The following B3GALT1 variants were observed in gnomAD, a reference collection of about 807,000 sequenced individuals.
The protein encoded by B3GALT1 is UDP-Gal:betaGlcNAc beta 1,3-galactosyltransferase, polypeptide 1.
B3GALT1 carries 10 observed loss-of-function variants against 23.2 expected under a neutral mutation model. That is an observed-to-expected ratio of 0.43 (90% CI 0.27 to 0.73). B3GALT1 has a LOEUF of 0.73. Ranked by LOEUF, B3GALT1 falls within the 30% of genes least tolerant of loss-of-function variation. B3GALT1 has a pLI of 0.21. For synonymous variants in B3GALT1, 156 were observed against 141.5 expected, an observed-to-expected ratio of 1.10 and a Z score of -0.73; for missense variants, 299 against 405.4, an observed-to-expected ratio of 0.74 and a Z score of 2.25.
chr2:167,358,405 C>T (rs1256740866), intron 1 of B3GALT1, among the ~76,000 whole-genome samples: 2 of 152,178 alleles, frequency 1.3e-5, no homozygotes, highest in African/African-American at 2.4e-5. Flanking sequence ...AAGCATCAGG[C>T]ACATTCTACT....
chr2:167,842,521 A>G (rs1311469801), intron 4 of B3GALT1, among the ~76,000 whole-genome samples: 2 of 152,226 alleles, frequency 1.3e-5, no homozygotes, highest in African/African-American at 4.8e-5. Context: ...TAGATTGCTA[A>G]TAAGTTGTAT....
At chr2:167,802,973 A>T (rs1212472282) in intron 3 of B3GALT1, among the ~76,000 whole-genome samples, 1 of 152,132 alleles carries the variant, frequency 6.6e-6, no homozygotes. Flanking sequence ...GTACCTACAC[A>T]TGTGTTATTT....
At chr2:167,754,811 T>C (rs1574246145) in intron 3 of B3GALT1, among the ~76,000 whole-genome samples, 4 of 152,280 alleles carry the variant, frequency 2.6e-5, no homozygotes, top group Admixed American at 2.6e-4. Context: ...AGACCAAGGC[T>C]ACTCAACACC....
intron 3 of B3GALT1, among the ~76,000 whole-genome samples, chr2:167,758,923 A>T (rs1243081213): frequency 6.6e-6 from 1 of 152,078 alleles, no homozygotes; most frequent in Non-Finnish European, 1.5e-5. Context: ...GTATGGAAAG[A>T]AGCTTTCGTG....
At chr2:167,360,985 C>T (rs1697490957) in intron 1 of B3GALT1, among the ~76,000 whole-genome samples, 2 of 152,108 alleles carry the variant, frequency 1.3e-5, no homozygotes, top group South Asian at 4.1e-4. Flanking sequence ...GCTTATTTCA[C>T]TTAACGTAAT....
At chr2:167,586,395 G>A (rs570112883) in intron 2 of B3GALT1, among the ~76,000 whole-genome samples, 1 of 152,290 alleles carries the variant, frequency 6.6e-6, no homozygotes, top group East Asian at 1.9e-4. Context: ...CGCCTCCAGG[G>A]TTCAAGTGAT....
intron 3 of B3GALT1, among the ~76,000 whole-genome samples, chr2:167,677,399 G>C (rs1291863011): frequency 1.3e-5 from 2 of 152,178 alleles, no homozygotes; most frequent in Admixed American, 1.3e-4. Context: ...ATATAAAAGA[G>C]ATAAAAGCAG....
At chr2:167,683,312 A>G (rs1359811257) in intron 3 of B3GALT1, among the ~76,000 whole-genome samples, 3 of 152,276 alleles carry the variant, frequency 2.0e-5, no homozygotes, top group Admixed American at 2.0e-4. Flanking sequence ...CAAAATAACT[A>G]TGAATGTAGT....
intron 1 of B3GALT1, among the ~76,000 whole-genome samples, chr2:167,396,998 T>C (rs1281797104): frequency 1.3e-5 from 2 of 152,156 alleles, no homozygotes; most frequent in East Asian, 3.8e-4. Context: ...GACTGGCTAA[T>C]GTAATAAAAT....
intron 2 of B3GALT1, among the ~76,000 whole-genome samples, chr2:167,614,090 A>G (rs1283343413): frequency 6.6e-6 from 1 of 151,770 alleles, no homozygotes; most frequent in Non-Finnish European, 1.5e-5. Flanking sequence ...ACATATTGGG[A>G]AAAAAAGAGA....
chr2:167,719,304 C>T (rs757349202), intron 3 of B3GALT1, among the ~76,000 whole-genome samples: 3 of 152,112 alleles, frequency 2.0e-5, no homozygotes, highest in South Asian at 2.1e-4. Context: ...TATGTAAATA[C>T]CTTTTTAGTT....
Position 167,869,696 on chromosome 2 carries a change from G to A in B3GALT1, c.657G>A (p.Lys219=). The A allele has an allele frequency of 6.2e-7, 1 of 1,614,148 alleles. No homozygotes were observed. The highest frequency in any genetic ancestry group is 8.5e-7 in the Non-Finnish European group (1 of 1,180,010). Residue 219 remains lysine (K), a synonymous_variant, in exon 5 of 5, where the codon AAG becomes AAA. Coordinates refer to ENST00000392690, the MANE Select transcript of B3GALT1 (RefSeq NM_020981.4). The surrounding 1 kb of genome is among the most constrained non-coding windows in gnomAD (Gnocchi z 6.4). ...NGGPIRDVRS[K]WYMPRDLYPD... ...GACCGATTCGGGATGTCCGCAGTAA[G>A]TGGTATATGCCCAGGGATTTGTACC...
At chr2:167,677,555 C>T (rs992055949) in intron 3 of B3GALT1, among the ~76,000 whole-genome samples, 2 of 152,244 alleles carry the variant, frequency 1.3e-5, no homozygotes, top group South Asian at 2.1e-4. Context: ...CCTATAAGGC[C>T]CCCAGGCTGT....
At chr2:167,402,793 G>C (rs980049298) in intron 1 of B3GALT1, among the ~76,000 whole-genome samples, 5 of 152,156 alleles carry the variant, frequency 3.3e-5, no homozygotes, top group African/African-American at 1.2e-4. Flanking sequence ...CATGGTGTCA[G>C]ATTTCTGAAG....
intron 2 of B3GALT1, among the ~76,000 whole-genome samples, chr2:167,552,125 G>A (rs924544403): frequency 2.0e-5 from 3 of 152,194 alleles, no homozygotes; most frequent in African/African-American, 7.2e-5. Flanking sequence ...AGTATTGGAA[G>A]CAAGGAGAAT....
At chr2:167,405,894 T>C (rs1047181463) in intron 1 of B3GALT1, among the ~76,000 whole-genome samples, 1 of 152,150 alleles carries the variant, frequency 6.6e-6, no homozygotes, top group Admixed American at 6.5e-5. Flanking sequence ...AATAGAGTTA[T>C]ATTCAACAAA....
intron 1 of B3GALT1, among the ~76,000 whole-genome samples, chr2:167,331,461 G>T (rs1013750352): frequency 6.6e-6 from 1 of 152,134 alleles, no homozygotes; most frequent in Non-Finnish European, 1.5e-5. Flanking sequence ...AGACCCATGT[G>T]GTCCATGCTG....
Position 167,496,233 on chromosome 2 carries a change from T to C in B3GALT1, c.-410+5956T>C, listed in dbSNP as rs549006283. 3.9e-5 allele frequency among the ~76,000 whole-genome samples: 6 copies of C among 152,300 alleles called. No homozygotes were observed. In the East Asian group the frequency reaches 7.7e-4, roughly 20 times the overall value. Reference sequence around the variant, plus strand: ...CAATACCAGCTTGGCTAAAGTTGACTGGGGAGTGGGTGCCCATGAGGCTGG... The same window carrying C: ...CAATACCAGCTTGGCTAAAGTTGACCGGGGAGTGGGTGCCCATGAGGCTGG... On this transcript the variant is annotated intron_variant, in intron 2 of 4. Coordinates refer to ENST00000392690, the MANE Select transcript of B3GALT1 (RefSeq NM_020981.4).
chr2:167,528,712 G>C (rs1302958856), intron 2 of B3GALT1, among the ~76,000 whole-genome samples: 1 of 152,096 alleles, frequency 6.6e-6, no homozygotes, highest in Non-Finnish European at 1.5e-5. Context: ...TGTTAATGCA[G>C]GTCTGTGGAG....
Sources: gnomAD v4.1 joint callset for allele counts (sites outside exome capture counted in the v4.1 genomes callset) on GRCh38, gnomAD v4.1.1 for gene constraint, Gnocchi (gnomAD v3.1) non-coding constraint, MANE v1.5 for transcripts, NCBI Gene and HGNC (gene_info 2026-07-23, HGNC 2026-07-21) for gene names.